The following PPP2R5E variants were observed in gnomAD, a reference collection of about 807,000 sequenced individuals.
PPP2R5E encodes the protein serine/threonine-protein phosphatase 2A 56 kDa regulatory subunit epsilon isoform.
PPP2R5E carries 4 observed loss-of-function variants against 65.3 expected under a neutral mutation model. The ratio of observed to expected loss-of-function variants is 0.06; its 90% CI spans 0.03 to 0.14. The LOEUF is 0.14. Ranked by LOEUF, PPP2R5E falls within the 10% of genes least tolerant of loss-of-function variation. The probability of loss-of-function intolerance (pLI) is 1.00; values close to 1 mark genes in which losing one functional copy is unlikely to be tolerated. For synonymous variants in PPP2R5E, 183 were observed against 187.4 expected (o/e 0.98, Z 0.19); for missense variants, 274 against 556.1 (o/e 0.49, Z 5.10).
chr14:63,461,636 A>G (rs528789467), intron 2 of PPP2R5E, among the ~76,000 whole-genome samples: 1 of 145,500 alleles, frequency 6.9e-6, no homozygotes, highest in Non-Finnish European at 1.5e-5. Flanking sequence ...GTCTCTACAA[A>G]ATTTAAAAAA....
chr14:63,510,864 G>A (rs1031986684), intron 2 of PPP2R5E, among the ~76,000 whole-genome samples: 2 of 152,196 alleles, frequency 1.3e-5, no homozygotes, highest in African/African-American at 4.8e-5. Flanking sequence ...TAGAACACAC[G>A]TGAAAAGGTG....
intron 2 of PPP2R5E, among the ~76,000 whole-genome samples, chr14:63,506,430 G>A (rs932689304): frequency 6.6e-5 from 10 of 152,036 alleles, no homozygotes; most frequent in African/African-American, 4.8e-5. Context: ...CAGCCTGGGC[G>A]ACAGAGCAAG....
At chr14:63,532,297 A>G (rs1313911136) in intron 2 of PPP2R5E, among the ~76,000 whole-genome samples, 2 of 152,202 alleles carry the variant, frequency 1.3e-5, no homozygotes, top group African/African-American at 4.8e-5. Context: ...TGGAATTTGA[A>G]CCATATGGCT....
chr14:63,523,619 A>G (rs1893064423), intron 2 of PPP2R5E, among the ~76,000 whole-genome samples: 1 of 151,790 alleles, frequency 6.6e-6, no homozygotes, highest in Admixed American at 6.6e-5. Context: ...ACCTTTGTTC[A>G]CTTGTTTATC....
At chr14:63,479,253 A>T (rs561569054) in intron 2 of PPP2R5E, 2 of 152,340 alleles carry the variant, frequency 1.3e-5, no homozygotes, top group African/African-American at 4.8e-5. Context: ...ATTAACTTCT[A>T]TATAAAGTCA....
chr14:63,426,207 A>T (rs1329266322), intron 3 of PPP2R5E, among the ~76,000 whole-genome samples: 1 of 152,244 alleles, frequency 6.6e-6, no homozygotes, highest in Non-Finnish European at 1.5e-5. Context: ...TAAAAATGTT[A>T]TAAATGAGCC....
intron 1 of PPP2R5E, among the ~76,000 whole-genome samples, chr14:63,541,916 T>G (rs1893919037): frequency 6.6e-6 from 1 of 152,198 alleles, no homozygotes; most frequent in Non-Finnish European, 1.5e-5. Context: ...TGACTATAGA[T>G]GTTAAGATCA....
rs559850221 is a variant in PPP2R5E, at chr14:63,456,437, G to A, written c.158-2552C>T. On this transcript the variant is annotated intron_variant, in intron 2 of 13. Coordinates refer to ENST00000337537, the MANE Select transcript of PPP2R5E (RefSeq NM_006246.5). ...AAGTGATATAATGTCATAGACAAAT[G>A]TGAAACAGGCTATCCACCTGTCCAG... Among the ~76,000 whole-genome samples the A allele has an allele frequency of 2.0e-5, 3 of 152,350 alleles. No individual in the cohort carries two copies. The South Asian group carries it at 6.2e-4, about 32-fold the overall frequency.
intron 2 of PPP2R5E, among the ~76,000 whole-genome samples, chr14:63,517,765 A>G (rs1347076219): frequency 4.6e-5 from 7 of 152,220 alleles, no homozygotes; most frequent in Admixed American, 4.6e-4. Flanking sequence ...AATACTTTCA[A>G]TTATTTATTT....
At chr14:63,437,385 ATTCT>A (rs984063055) in intron 3 of PPP2R5E, among the ~76,000 whole-genome samples, 49 of 152,262 alleles carry the variant, frequency 3.2e-4, no homozygotes, top group African/African-American at 1.2e-3. Flanking sequence ...CTCACCCCAA[ATTCT>A]TTCTTACATG....
At chr14:63,482,502 C>T (rs777891563) in intron 2 of PPP2R5E, among the ~76,000 whole-genome samples, 1 of 151,902 alleles carries the variant, frequency 6.6e-6, no homozygotes, top group East Asian at 1.9e-4. Flanking sequence ...ATGAGTCACG[C>T]GTGATTTTAG....
chr14:63,512,346 T>C lies in PPP2R5E; in HGVS notation c.157+27183A>G, dbSNP rs546115931. On this transcript the variant is annotated intron_variant, in intron 2 of 13. Coordinates refer to ENST00000337537, the MANE Select transcript of PPP2R5E (RefSeq NM_006246.5). Reference sequence around the variant, plus strand: ...TAGATGGGTAGAGATAGATGATGGGTGGATGGAAGGATAGAAGGACAAACA... The same window carrying C: ...TAGATGGGTAGAGATAGATGATGGGCGGATGGAAGGATAGAAGGACAAACA... Among the ~76,000 whole-genome samples, 8 of 152,176 alleles carry C rather than the reference T, an allele frequency of 5.3e-5. No individual in the cohort carries two copies. In the South Asian group the frequency reaches 1.7e-3, roughly 32 times the overall value.
intron 4 of PPP2R5E, among the ~76,000 whole-genome samples, chr14:63,416,534 T>C (rs1439358594): frequency 6.6e-6 from 1 of 152,106 alleles, no homozygotes; most frequent in Non-Finnish European, 1.5e-5. Context: ...TGCTAACTTT[T>C]TGGTCTCACT....
intron 2 of PPP2R5E, among the ~76,000 whole-genome samples, chr14:63,490,203 T>C (rs569596275): frequency 4.6e-5 from 7 of 152,182 alleles, no homozygotes; most frequent in South Asian, 4.1e-4. Flanking sequence ...AGTCAATAAA[T>C]GGTGCTGGGA....
intron 2 of PPP2R5E, among the ~76,000 whole-genome samples, chr14:63,467,222 C>CAAAAA (rs767892639): frequency 0.033 from 3,759 of 113,344 alleles, 400 homozygotes; most frequent in Non-Finnish European, 0.044. Flanking sequence ...GACTCCGTCT[C>CAAAAA]AAAAAAAACA....
chr14:63,421,530 C>T (rs746118147), intron 4 of PPP2R5E, among the ~76,000 whole-genome samples: 116 of 152,186 alleles, frequency 7.6e-4, no homozygotes, highest in South Asian at 2.1e-3. Flanking sequence ...GTACTGTGAA[C>T]GAAATAGCTA....
intron 7 of PPP2R5E, among the ~76,000 whole-genome samples, chr14:63,394,579 G>A (rs987025838): frequency 7.2e-5 from 11 of 151,834 alleles, no homozygotes; most frequent in African/African-American, 9.7e-5. Context: ...GCTTGCTTCC[G>A]CCTTAAATAT....
intron 3 of PPP2R5E, among the ~76,000 whole-genome samples, chr14:63,444,184 G>A (rs915041465): frequency 1.3e-5 from 2 of 152,180 alleles, no homozygotes; most frequent in African/African-American, 4.8e-5. Context: ...ACATAACACT[G>A]TAACAACGTA....
chr14:63,536,410 C>G (rs571936238), intron 2 of PPP2R5E, among the ~76,000 whole-genome samples: 2 of 152,204 alleles, frequency 1.3e-5, no homozygotes, highest in South Asian at 2.1e-4. Context: ...ATATAGAAAA[C>G]TGGAACCCTC....
Sources: allele counts gnomAD v4.1 joint callset (sites outside exome capture counted in the v4.1 genomes callset), GRCh38; gene constraint gnomAD v4.1.1; transcripts MANE v1.5; gene names NCBI Gene and HGNC (gene_info 2026-07-23, HGNC 2026-07-21).